The following DBX2 variants were observed in gnomAD, a reference collection of about 807,000 sequenced individuals.
DBX2 encodes the protein developing brain homeobox 2.
A neutral mutation model predicts 17.7 loss-of-function variants in DBX2; 16 were observed. That is an observed-to-expected ratio of 0.90 (90% confidence interval 0.61 to 1.37). DBX2 has a LOEUF of 1.37. DBX2 is among the 40% of genes most tolerant of loss of function. DBX2 has a pLI of 0.00. For missense variants in DBX2, 538 were observed against 433.8 expected (o/e 1.24, Z -2.13); for synonymous variants, 255 against 183.8 (o/e 1.39, Z -3.13).
At chr12:45,028,702 A>T (rs1052279067) in intron 2 of DBX2, among the ~76,000 whole-genome samples, 1 of 152,230 alleles carries the variant, frequency 6.6e-6, no homozygotes, top group East Asian at 1.9e-4. Context: ...TGAGACCTGG[A>T]GTAAGGGTCA....
chr12:45,025,886 A>G (rs1284542076), intron 2 of DBX2, among the ~76,000 whole-genome samples: 2 of 150,848 alleles, frequency 1.3e-5, no homozygotes, highest in Non-Finnish European at 3.0e-5. Context: ...AAGCCAATTC[A>G]AACAGTTACT....
intron 2 of DBX2, among the ~76,000 whole-genome samples, chr12:45,030,211 C>A (rs569025633): frequency 1.3e-5 from 2 of 151,456 alleles, no homozygotes; most frequent in Non-Finnish European, 3.0e-5. Context: ...GAAGACAGGG[C>A]AATGGTGTTT....
chr12:45,017,399 G>A (rs1946329730), intron 3 of DBX2, among the ~76,000 whole-genome samples: 1 of 152,024 alleles, frequency 6.6e-6, no homozygotes, highest in African/African-American at 2.4e-5. Flanking sequence ...ATTAGCTTAT[G>A]GTCACAAAGC....
At chr12:45,035,538 T>A (rs1407749074) in intron 2 of DBX2, among the ~76,000 whole-genome samples, 1 of 152,164 alleles carries the variant, frequency 6.6e-6, no homozygotes, top group East Asian at 1.9e-4. Flanking sequence ...TTCTGGTTGG[T>A]TACCTTCAAG....
At chr12:45,020,472 C>A (rs1023146341) in intron 3 of DBX2, among the ~76,000 whole-genome samples, 21 of 151,818 alleles carry the variant, frequency 1.4e-4, no homozygotes, top group African/African-American at 4.8e-4. Context: ...CAAAAAGAGG[C>A]AAAACTAAGA....
intron 2 of DBX2, among the ~76,000 whole-genome samples, chr12:45,030,691 T>G (rs1328492904): frequency 6.6e-6 from 1 of 152,252 alleles, no homozygotes; most frequent in Non-Finnish European, 1.5e-5. Context: ...TTTCTAAGTT[T>G]ACAGTTTTTC....
At chr12:45,035,950 G>T in intron 2 of DBX2, 69 bp downstream of exon 2, 1 of 1,432,138 alleles carries the variant, frequency 7.0e-7, no homozygotes, top group Non-Finnish European at 9.5e-7. Context: ...GTTTTCCAGA[G>T]CACATTAAAT....
chr12:45,050,508 G>C lies in DBX2; in HGVS notation c.403+17C>G. On this transcript the variant is annotated intron_variant, in intron 1 of 3. Coordinates refer to ENST00000332700, the MANE Select transcript of DBX2 (RefSeq NM_001004329.3). ...GGGCGCGGGCGCGGCTGGGGAGGGA[G>C]GGGAGAGCTGGCTCACCTGGCGCTG... 6.5e-7 allele frequency: 1 copy of C among 1,547,610 alleles called. No homozygotes were observed. Among genetic ancestry groups the C allele is most frequent in the East Asian group, 2.5e-5 (1 of 40,648 alleles).
At chr12:45,016,926 G>T (rs911164179) in intron 3 of DBX2, among the ~76,000 whole-genome samples, 1 of 152,054 alleles carries the variant, frequency 6.6e-6, no homozygotes, top group African/African-American at 2.4e-5. Context: ...TAGGATGACA[G>T]GCATGCACCA....
intron 2 of DBX2, among the ~76,000 whole-genome samples, chr12:45,026,320 G>A (rs1179930224): frequency 6.6e-6 from 1 of 152,102 alleles, no homozygotes; most frequent in African/African-American, 2.4e-5. Flanking sequence ...ATAGAAGCAG[G>A]GCAGGACATA....
intron 1 of DBX2, among the ~76,000 whole-genome samples, chr12:45,044,119 T>C (rs905248445): frequency 5.9e-5 from 9 of 152,216 alleles, no homozygotes; most frequent in Admixed American, 2.0e-4. Context: ...AAATACTTTA[T>C]GCTTTGTGAG....
intron 1 of DBX2, among the ~76,000 whole-genome samples, chr12:45,037,342 G>A (rs1462762375): frequency 6.6e-6 from 1 of 152,138 alleles, no homozygotes; most frequent in Non-Finnish European, 1.5e-5. Flanking sequence ...ATTCAACAGA[G>A]TGCCTAGCAC....
rs1164210913 is a variant in DBX2 at position 45,050,721 on chromosome 12, C to T, written c.207G>A (p.Ala69=). The T allele has an allele frequency of 6.7e-7, 1 of 1,489,640 alleles. No homozygotes were observed. Among genetic ancestry groups the T allele is most frequent in the African/African-American group, 1.5e-5 (1 of 67,932 alleles). 92.3% of individuals were successfully genotyped at this position (1,489,640 alleles called of 1,614,324 possible). Residue 69 remains alanine, a synonymous_variant, in exon 1 of 4, where the codon GCG becomes GCA. Coordinates refer to ENST00000332700, the MANE Select transcript of DBX2 (RefSeq NM_001004329.3). The part of the protein sequence containing the change: ...PHDPATALAT[A]GAQLRPLPAS... ...CAGGCAGGGGCCGGAGCTGCGCGCC[C>T]GCGGTGGCCAGGGCGGTCGCCGGGT...
At chr12:45,043,100 T>C (rs548974778) in intron 1 of DBX2, among the ~76,000 whole-genome samples, 5 of 152,192 alleles carry the variant, frequency 3.3e-5, no homozygotes, top group African/African-American at 9.7e-5. Context: ...AATTCCTGCA[T>C]TGGTCTACTC....
rs1414656869 is a variant in DBX2, at chr12:45,028,474, G to T, written c.500-4580C>A. On this transcript the variant is annotated intron_variant, in intron 2 of 3. Coordinates refer to ENST00000332700, the MANE Select transcript of DBX2 (RefSeq NM_001004329.3). ...ATTCATTTTGGCTCTTCTTCACCAA[G>T]ATCTACATGTTAAAATAAAATAGCG... Among the ~76,000 whole-genome samples the T allele has an allele frequency of 4.6e-5, 7 of 152,040 alleles. 1 individual carries two copies. The highest frequency in any genetic ancestry group is 4.6e-4 in the Admixed American group (7 of 15,274).
intron 2 of DBX2, among the ~76,000 whole-genome samples, chr12:45,024,402 A>G (rs1946369966): frequency 6.6e-6 from 1 of 152,198 alleles, no homozygotes; most frequent in Non-Finnish European, 1.5e-5. Context: ...AGACTAATAC[A>G]GACTCCTCTG....
intron 3 of DBX2, among the ~76,000 whole-genome samples, chr12:45,022,434 G>A (rs1946358423): frequency 6.7e-6 from 1 of 148,918 alleles, no homozygotes; most frequent in Non-Finnish European, 1.5e-5. Context: ...CTCCCGAGTA[G>A]CTGGGACTAC....
At chr12:45,017,993 C>CT (rs1484562859) in intron 3 of DBX2, among the ~76,000 whole-genome samples, 1 of 152,120 alleles carries the variant, frequency 6.6e-6, no homozygotes, top group Admixed American at 6.5e-5. Context: ...TTTCTTCATT[C>CT]TTTTTACTTG....
intron 2 of DBX2, among the ~76,000 whole-genome samples, chr12:45,029,714 T>G (rs1330844049): frequency 2.0e-5 from 3 of 151,772 alleles, no homozygotes; most frequent in South Asian, 4.2e-4. Context: ...AATACCAAAA[T>G]TAGCCAGGTG....
Sources: allele counts gnomAD v4.1 joint callset (sites outside exome capture counted in the v4.1 genomes callset), GRCh38; gene constraint gnomAD v4.1.1; transcripts MANE v1.5; gene names NCBI Gene and HGNC (gene_info 2026-07-23, HGNC 2026-07-21).